Variants in VPS13D observed in about 807,000 individuals in gnomAD.
VPS13D encodes vacuolar protein sorting 13 homolog D.
In VPS13D, 187 loss-of-function variants were observed where a neutral mutation model predicts 461.9. The observed-to-expected ratio is 0.40, with a 90% CI of 0.36 to 0.46. The LOEUF (loss-of-function observed/expected upper bound fraction) is 0.46. Among genes scored for constraint, VPS13D ranks in the 20% least tolerant of loss-of-function variants. The pLI, the probability that VPS13D is intolerant of heterozygous loss-of-function variation, is 0.60. For missense variants in VPS13D, 4,711 were observed against 5,364.9 expected (o/e 0.88, Z 3.81); for synonymous variants, 1,951 against 1,986.3 (o/e 0.98, Z 0.47).
intron 45 of VPS13D, 51 bp from the exon 46 acceptor site, chr1:12,349,113 T>G (rs745850162): frequency 1.2e-6 from 2 of 1,611,740 alleles, no homozygotes; most frequent in Non-Finnish European, 1.7e-6. Context: ...TGGTCAATCT[T>G]TGGGGTGGAG....
At chr1:12,462,979 T>C (rs1311092915) in intron 67 of VPS13D, among the ~76,000 whole-genome samples, 1 of 152,082 alleles carries the variant, frequency 6.6e-6, no homozygotes, top group Non-Finnish European at 1.5e-5. Context: ...AGAAAAGTTG[T>C]GCAGCTTGAC....
intron 50 of VPS13D, among the ~76,000 whole-genome samples, chr1:12,360,996 G>A (rs548979347): frequency 6.6e-6 from 1 of 152,328 alleles, no homozygotes; most frequent in Non-Finnish European, 1.5e-5. Flanking sequence ...AGCCTGATGA[G>A]GGTGCTGCTC....
chr1:12,477,590 G>C (rs1298585935), intron 67 of VPS13D, among the ~76,000 whole-genome samples: 1 of 152,160 alleles, frequency 6.6e-6, no homozygotes, highest in Non-Finnish European at 1.5e-5. Context: ...GCCCATGTGA[G>C]CTGCTTGTTT....
Position 12,386,256 on chromosome 1 carries a change from A to G in VPS13D, c.11556A>G (p.Ala3852=), listed in dbSNP as rs34282652. ...INKVPEELVF[A]SLTGINVHYT... ...AAGTCCCAGAAGAACTGGTCTTTGC[A>G]AGTCTTACAGGAATCAATGTGCACT... The change falls in exon 60 of 70, where the codon GCA becomes GCG. Residue 3852 remains alanine, a synonymous_variant. Transcript: ENST00000620676. The G allele has an allele frequency of 1.2e-6, 2 of 1,613,914 alleles. No individual in the cohort carries two copies. Among genetic ancestry groups the G allele is most frequent in the Non-Finnish European group, 1.7e-6 (2 of 1,179,896 alleles).
intron 10 of VPS13D, among the ~76,000 whole-genome samples, chr1:12,259,896 G>C (rs965690120): frequency 1.1e-4 from 17 of 152,180 alleles, no homozygotes; most frequent in Non-Finnish European, 2.2e-4. Context: ...TGGGTTTCAG[G>C]AAGAGCGATA....
At position 12,235,239 on chromosome 1, in the gene VPS13D, C is replaced by T. The variant is rs115730774; in HGVS notation, c.97+876C>T. Among the ~76,000 whole-genome samples the T allele has an allele frequency of 4.2e-3, 639 of 152,200 alleles. 4 individuals carry two copies. Among genetic ancestry groups the T allele is most frequent in the African/African-American group, 0.013 (524 of 41,526 alleles). On this transcript the variant is annotated intron_variant, in intron 2 of 69. Transcript: ENST00000620676. ...GAGAGAACAGTGACACAGCTGTTTG[C>T]GTAGTCTGAGAATAGAGTACCGGTG...
chr1:12,474,550 A>G (rs1354414830), intron 67 of VPS13D, among the ~76,000 whole-genome samples: 1 of 152,144 alleles, frequency 6.6e-6, no homozygotes, highest in Non-Finnish European at 1.5e-5. Flanking sequence ...TTTCATTTCT[A>G]GCTAAGTCTG....
At chr1:12,392,545 T>TAAAAAAAAAAA (rs139602760) in intron 60 of VPS13D, among the ~76,000 whole-genome samples, 1 of 129,302 alleles carries the variant, frequency 7.7e-6, no homozygotes, top group African/African-American at 2.8e-5. Context: ...GTATAAATGT[T>TAAAAAAAAAAA]AAAAAAAAAA....
At chr1:12,379,639 G>A (rs773788730) in intron 57 of VPS13D, 43 bp downstream of exon 57, 1 of 1,491,768 alleles carries the variant, frequency 6.7e-7, no homozygotes. Flanking sequence ...CAGTGGTTGA[G>A]CCTTCTTTGA....
chr1:12,251,755 C>T (rs1222712190), intron 6 of VPS13D, among the ~76,000 whole-genome samples: 2 of 152,160 alleles, frequency 1.3e-5, no homozygotes, highest in African/African-American at 4.8e-5. Flanking sequence ...TGCATCAAAA[C>T]GTTCAGCAGC....
In VPS13D at chr1:12,505,392, C is replaced by T. The variant is rs529346926; in HGVS notation, c.12795-1461C>T. 2.0e-5 allele frequency among the ~76,000 whole-genome samples: 3 copies of T among 152,362 alleles called. No individual in the cohort carries two copies. The highest frequency in any genetic ancestry group is 1.9e-4 in the East Asian group (1 of 5,192). ...TGAGTGGCCTAAACACTGAAGGCTG[C>T]GGGTCTTTCTAATTTCAGCATTGAG... On this transcript the variant is annotated intron_variant, in intron 68 of 69. Transcript: ENST00000620676. The surrounding 1 kb of genome is among the most constrained non-coding windows in gnomAD (Gnocchi z 4.2).
At chr1:12,374,223 T>G (rs1428733496) in intron 55 of VPS13D, among the ~76,000 whole-genome samples, 1 of 152,248 alleles carries the variant, frequency 6.6e-6, no homozygotes, top group East Asian at 1.9e-4. Context: ...AGTTATTATT[T>G]CACTTGATAA....
intron 67 of VPS13D, among the ~76,000 whole-genome samples, chr1:12,462,544 C>CCA (rs1386312553): frequency 6.6e-6 from 1 of 152,208 alleles, no homozygotes; most frequent in African/African-American, 2.4e-5. Context: ...TTGTCCACAG[C>CCA]CACACAGCTG....
rs955803645 is a variant in VPS13D, at chr1:12,511,393, G to A, written c.*2369G>A. 3.9e-5 allele frequency: 6 copies of A among 152,106 alleles called. No homozygotes were observed. The highest frequency in any genetic ancestry group is 7.4e-5 in the Non-Finnish European group (5 of 68,018). 9.4% of individuals were successfully genotyped at this position (152,106 alleles called of 1,614,324 possible). ...CCAGACAAGGCCAGAAGGTTTCAGGGGCATTTGACATCCCCTCCTGGTTCT... is the reference window on the plus strand; with the variant it reads ...CCAGACAAGGCCAGAAGGTTTCAGGAGCATTTGACATCCCCTCCTGGTTCT... On this transcript the variant is annotated 3_prime_UTR_variant, in exon 70 of 70. Transcript: ENST00000620676. This position sits in a 1 kb window ranked among gnomAD's most constrained non-coding sequence, Gnocchi z 4.5.
At chr1:12,416,588 G>A (rs1466606673) in intron 64 of VPS13D, 72 bp from the exon 65 acceptor site, 65 of 1,488,222 alleles carry the variant, frequency 4.4e-5, no homozygotes, top group Non-Finnish European at 5.9e-5. Context: ...TAAGCTCTTC[G>A]CTTGGGACAC....
rs1003382238 is a variant in VPS13D at position 12,456,143 on chromosome 1, T to C, written c.12466+13T>C. ...GGCCTGGCTCATGGTAAGTCATGGG[T>C]GACATCAGGCTCTGCTGCTGCTGGT... On this transcript the variant is annotated intron_variant, in intron 66 of 69. Transcript: ENST00000620676. 1 of 1,605,110 alleles carries C rather than the reference T, an allele frequency of 6.2e-7. No homozygotes were observed. The highest frequency in any genetic ancestry group is 8.5e-7 in the Non-Finnish European group (1 of 1,176,828).
At chr1:12,410,016 A>C in intron 63 of VPS13D, 1 of 421,812 alleles carries the variant, frequency 2.4e-6, no homozygotes, top group African/African-American at 2.1e-5. Flanking sequence ...ATGCAAGTAA[A>C]GCTTTTGGCA....
chr1:12,355,703 AGT>A (rs1643879379), intron 47 of VPS13D, among the ~76,000 whole-genome samples, 194 bp from the exon 48 acceptor site: 1 of 152,084 alleles, frequency 6.6e-6, no homozygotes, highest in Non-Finnish European at 1.5e-5. Flanking sequence ...TAGGCTCTCT[AGT>A]GTGATTCCAG....
chr1:12,310,601 C>T (rs1267293782), intron 27 of VPS13D, among the ~76,000 whole-genome samples: 1 of 152,180 alleles, frequency 6.6e-6, no homozygotes, highest in Non-Finnish European at 1.5e-5. Context: ...TGGTGTTTGC[C>T]TTTAGTTACC....
Sources: allele counts gnomAD v4.1 joint callset (sites outside exome capture counted in the v4.1 genomes callset), GRCh38; gene constraint gnomAD v4.1.1; non-coding constraint Gnocchi (gnomAD v3.1); transcripts MANE v1.5; gene names NCBI Gene and HGNC (gene_info 2026-07-23, HGNC 2026-07-21).